The following CACNA1A variants were observed in gnomAD, a reference collection of about 807,000 sequenced individuals.
CACNA1A encodes the protein voltage-dependent P/Q-type calcium channel subunit alpha-1A.
In CACNA1A, 57 loss-of-function variants were observed where a neutral mutation model predicts 262.4. That is an observed-to-expected ratio of 0.22 (90% CI 0.18 to 0.27). The LOEUF (loss-of-function observed/expected upper bound fraction) is 0.27. CACNA1A is among the 10% of genes least tolerant of loss of function. CACNA1A has a pLI of 1.00. For missense variants in CACNA1A, 2,526 were observed against 3,562.8 expected (o/e 0.71, Z 7.41); for synonymous variants, 1,431 against 1,419.3 (o/e 1.01, Z -0.18).
chr19:13,468,941 G>C (rs1417655304), intron 1 of CACNA1A, among the ~76,000 whole-genome samples: 3 of 152,138 alleles, frequency 2.0e-5, no homozygotes, highest in Admixed American at 2.0e-4. Flanking sequence ...ATGGCCCCCA[G>C]AAAAACCAGT....
At position 13,361,264 on chromosome 19, in the gene CACNA1A, C is replaced by T. The variant is rs551043151; in HGVS notation, c.785-1465G>A. On this transcript the variant is annotated intron_variant, in intron 5 of 46. Transcript: ENST00000360228. ...TGAAAATGCCACAAGGAGAGAGAAACGTGCCAACAGACACCCCTTTTGCTG... is the reference window on the plus strand; with the variant it reads ...TGAAAATGCCACAAGGAGAGAGAAATGTGCCAACAGACACCCCTTTTGCTG... Among the ~76,000 whole-genome samples, 22 of 152,200 alleles carry T rather than the reference C, an allele frequency of 1.4e-4. No homozygotes were observed. The East Asian group carries it at 3.1e-3, about 21-fold the overall frequency.
intron 3 of CACNA1A, among the ~76,000 whole-genome samples, chr19:13,438,089 C>A (rs1457984613): frequency 6.6e-6 from 1 of 151,308 alleles, no homozygotes. Flanking sequence ...GCCCTCTGCT[C>A]TCAGCAGAGT....
rs1422604357 is a variant in CACNA1A, at chr19:13,250,058, CTTAA to C, written c.4866+2929_4866+2932del. Among the ~76,000 whole-genome samples, 5 of 151,744 alleles carry C rather than the reference CTTAA, an allele frequency of 3.3e-5. No homozygotes were observed. In the South Asian group the frequency reaches 8.3e-4, roughly 25 times the overall value. On this transcript the variant is annotated intron_variant, in intron 30 of 46. Coordinates refer to ENST00000360228, the MANE Select transcript of CACNA1A (RefSeq NM_001127222.2). ...GCCCACTAGTATAAGCCTTCTTCAC[CTTAA>C]TTTTTTTTTTTTTTTGAGACAAAGT...
At chr19:13,396,626 G>A (rs1238536060) in intron 3 of CACNA1A, among the ~76,000 whole-genome samples, 2 of 152,200 alleles carry the variant, frequency 1.3e-5, no homozygotes, top group African/African-American at 4.8e-5. Context: ...ATAGCCTCGT[G>A]TGGCTAGTGG....
intron 37 of CACNA1A, chr19:13,227,136 G>C (rs1555735916): frequency 4.9e-6 from 1 of 205,466 alleles, no homozygotes; most frequent in Non-Finnish European, 9.7e-6. Flanking sequence ...GAGACCAGGT[G>C]CAAGGGGACC....
At chr19:13,504,978 A>T (rs1037375040) in intron 1 of CACNA1A, among the ~76,000 whole-genome samples, 17 of 151,938 alleles carry the variant, frequency 1.1e-4, no homozygotes, top group South Asian at 4.2e-4. Context: ...AAAAAAAAAA[A>T]TTTAAAAGGC....
At chr19:13,499,234 C>A (rs995534897) in intron 1 of CACNA1A, among the ~76,000 whole-genome samples, 4 of 151,958 alleles carry the variant, frequency 2.6e-5, no homozygotes, top group Admixed American at 2.6e-4. Flanking sequence ...AACTCCCTCA[C>A]CTTGTCACCC....
intron 6 of CACNA1A, among the ~76,000 whole-genome samples, chr19:13,345,216 T>A (rs2058742825): frequency 6.6e-6 from 1 of 152,140 alleles, no homozygotes; most frequent in African/African-American, 2.4e-5. Context: ...CTTCCTCGAT[T>A]CCCGCCATCT....
At chr19:13,428,000 C>G (rs1002264836) in intron 3 of CACNA1A, among the ~76,000 whole-genome samples, 2 of 151,708 alleles carry the variant, frequency 1.3e-5, no homozygotes, top group Non-Finnish European at 2.9e-5. Flanking sequence ...GGAGTGATCT[C>G]GACTCACTGC....
intron 5 of CACNA1A, among the ~76,000 whole-genome samples, chr19:13,361,400 G>A (rs945749968): frequency 6.6e-6 from 1 of 152,170 alleles, no homozygotes; most frequent in African/African-American, 2.4e-5. Flanking sequence ...ACATCTGGGA[G>A]TGTCCTCATT....
chr19:13,231,053 G>C (rs1350054170), intron 35 of CACNA1A, among the ~76,000 whole-genome samples: 3 of 152,010 alleles, frequency 2.0e-5, no homozygotes, highest in East Asian at 3.9e-4. Flanking sequence ...GCCCTGGCTG[G>C]GGTGCAGTGG....
intron 37 of CACNA1A, chr19:13,225,254 T>TGGGC (rs1159860659): frequency 6.2e-6 from 1 of 161,396 alleles, no homozygotes; most frequent in Non-Finnish European, 1.4e-5. Flanking sequence ...ACAGAGCAGA[T>TGGGC]GGGCACAGAC....
chr19:13,241,409 G>C lies in CACNA1A; in HGVS notation c.4950+3773C>G. The C allele has an allele frequency of 1.3e-6, 1 of 742,220 alleles. No homozygotes were observed. Among genetic ancestry groups the C allele is most frequent in the East Asian group, 2.7e-5 (1 of 37,312 alleles). 46.0% of individuals were successfully genotyped at this position (742,220 alleles called of 1,614,324 possible). ...AGAGGAGAGCGGAGGGTTGAGGAGA[G>C]CGTCAGGCATCCCACGTTGGAGAGG... On this transcript the variant is annotated intron_variant, in intron 31 of 46. Transcript: ENST00000360228. The surrounding 1 kb of genome is among the most constrained non-coding windows in gnomAD (Gnocchi z 4.0).
chr19:13,387,663 T>C (rs1353582459), intron 3 of CACNA1A, among the ~76,000 whole-genome samples: 1 of 152,096 alleles, frequency 6.6e-6, no homozygotes, highest in African/African-American at 2.4e-5. Context: ...GAGGAGCAAC[T>C]ACCATATGCC....
At chr19:13,449,471 T>C (rs532075324) in intron 3 of CACNA1A, among the ~76,000 whole-genome samples, 2 of 152,118 alleles carry the variant, frequency 1.3e-5, no homozygotes, top group Non-Finnish European at 2.9e-5. Context: ...CTGAATATTT[T>C]ATTACATTTT....
At chr19:13,295,994 T>C (rs1446109740) in intron 19 of CACNA1A, among the ~76,000 whole-genome samples, 1 of 152,210 alleles carries the variant, frequency 6.6e-6, no homozygotes, top group Non-Finnish European at 1.5e-5. Flanking sequence ...TCCCCTCATG[T>C]GGTTTGAATT....
intron 6 of CACNA1A, among the ~76,000 whole-genome samples, chr19:13,348,305 A>G (rs553436585): frequency 6.6e-6 from 1 of 152,192 alleles, no homozygotes; most frequent in Non-Finnish European, 1.5e-5. Flanking sequence ...GAAATAGAGA[A>G]GAAGAGAAAC....
chr19:13,435,740 A>G (rs916594895), intron 3 of CACNA1A, among the ~76,000 whole-genome samples: 1 of 152,270 alleles, frequency 6.6e-6, no homozygotes, highest in African/African-American at 2.4e-5. Context: ...GAAGCCCATG[A>G]CTGTCTGACT....
chr19:13,211,657 T>C (rs1309401233), intron 43 of CACNA1A: 1 of 201,202 alleles, frequency 5.0e-6, no homozygotes, highest in Non-Finnish European at 1.0e-5. Context: ...CACACGTGTG[T>C]GTATGCAAGC....
Sources: gnomAD v4.1 joint callset for allele counts (sites outside exome capture counted in the v4.1 genomes callset) on GRCh38, gnomAD v4.1.1 for gene constraint, Gnocchi (gnomAD v3.1) non-coding constraint, MANE v1.5 for transcripts, NCBI Gene and HGNC (gene_info 2026-07-23, HGNC 2026-07-21) for gene names.